The following PTPRD variants were observed in gnomAD, a reference collection of about 807,000 sequenced individuals.
The protein encoded by PTPRD is protein tyrosine phosphatase receptor type D.
In PTPRD, 34 loss-of-function variants were observed where a neutral mutation model predicts 214.5. The ratio of observed to expected loss-of-function variants is 0.16; its 90% CI spans 0.12 to 0.21. The LOEUF (loss-of-function observed/expected upper bound fraction) is 0.21, where lower values mean the gene tolerates loss of function less well. PTPRD is among the 10% of genes least tolerant of loss of function. PTPRD has a pLI of 1.00. For missense variants in PTPRD, 2,545 were observed against 2,398.7 expected (o/e 1.06, Z -1.27); for synonymous variants, 1,128 against 845.7 (o/e 1.33, Z -5.79).
intron 11 of PTPRD, among the ~76,000 whole-genome samples, chr9:8,890,366 T>C (rs2098528450): frequency 6.6e-6 from 1 of 152,208 alleles, no homozygotes. Flanking sequence ...CTCACATTTC[T>C]ATCTGGATGT....
intron 11 of PTPRD, among the ~76,000 whole-genome samples, chr9:8,926,840 A>G (rs1327089851): frequency 6.6e-6 from 1 of 152,208 alleles, no homozygotes; most frequent in Non-Finnish European, 1.5e-5. Context: ...CAACTTGTAA[A>G]GACTATTCAA....
intron 11 of PTPRD, among the ~76,000 whole-genome samples, chr9:8,866,153 C>G (rs1203943588): frequency 6.6e-6 from 1 of 152,140 alleles, no homozygotes; most frequent in African/African-American, 2.4e-5. Context: ...TCCAAAATTA[C>G]TAGTAACACT....
intron 10 of PTPRD, among the ~76,000 whole-genome samples, chr9:9,019,058 T>C: frequency 6.6e-6 from 1 of 152,098 alleles, no homozygotes. Context: ...AACCATCAAG[T>C]ATCATTCAAT....
At chr9:8,768,383 T>G (rs1470800028) in intron 11 of PTPRD, among the ~76,000 whole-genome samples, 1 of 152,120 alleles carries the variant, frequency 6.6e-6, no homozygotes, top group Non-Finnish European at 1.5e-5. Context: ...AAACCTTGTC[T>G]CTACAAAAAT....
chr9:9,416,663 C>T (rs146902492), intron 8 of PTPRD, among the ~76,000 whole-genome samples: 2 of 152,126 alleles, frequency 1.3e-5, no homozygotes, highest in South Asian at 4.1e-4. Flanking sequence ...TTAACATGCT[C>T]TGCTTTCTCC....
chr9:9,461,041 G>A (rs988548278), intron 8 of PTPRD, among the ~76,000 whole-genome samples: 14 of 151,944 alleles, frequency 9.2e-5, no homozygotes, highest in African/African-American at 1.7e-4. Context: ...ATGGAACTGC[G>A]GGCCATTATC....
intron 5 of PTPRD, among the ~76,000 whole-genome samples, chr9:9,910,269 T>A (rs1016723794): frequency 6.6e-6 from 1 of 152,020 alleles, no homozygotes; most frequent in Admixed American, 6.6e-5. Context: ...AATTTTTACA[T>A]AAAATAGACA....
At chr9:9,869,074 C>T (rs975499014) in intron 5 of PTPRD, among the ~76,000 whole-genome samples, 1 of 152,158 alleles carries the variant, frequency 6.6e-6, no homozygotes, top group African/African-American at 2.4e-5. Context: ...ACATCAACTA[C>T]TTACATAAAA....
intron 35 of PTPRD, among the ~76,000 whole-genome samples, chr9:8,426,778 A>C (rs1340225080): frequency 6.6e-6 from 1 of 150,858 alleles, no homozygotes; most frequent in Non-Finnish European, 1.5e-5. Context: ...GTTTAATGTT[A>C]GTAAAGAAAA....
At chr9:10,492,604 T>C (rs1772506354) in intron 2 of PTPRD, among the ~76,000 whole-genome samples, 1 of 152,204 alleles carries the variant, frequency 6.6e-6, no homozygotes, top group Admixed American at 6.5e-5. Flanking sequence ...TTGTAGATTC[T>C]GGATATTAGC....
chr9:9,495,214 A>T lies in PTPRD; in HGVS notation c.-237+79518T>A, dbSNP rs2096118518. On this transcript the variant is annotated intron_variant, in intron 8 of 45. Transcript: ENST00000381196. Reference sequence around the variant, plus strand: ...CTAAATCTATACAACTCAGAGAAGAAAACTGAAATTAGTAAGTCTGATGAT... The same window carrying T: ...CTAAATCTATACAACTCAGAGAAGATAACTGAAATTAGTAAGTCTGATGAT... Among the ~76,000 whole-genome samples the T allele has an allele frequency of 2.0e-5, 3 of 151,922 alleles. No individual in the cohort carries two copies. The South Asian group carries it at 6.2e-4, about 32-fold the overall frequency.
chr9:9,868,238 C>T (rs1415199326), intron 5 of PTPRD, among the ~76,000 whole-genome samples: 1 of 152,118 alleles, frequency 6.6e-6, no homozygotes. Context: ...ATCATCAAAA[C>T]AAACCTCTAA....
chr9:9,105,976 C>T (rs1015099163), intron 10 of PTPRD, among the ~76,000 whole-genome samples: 1 of 151,890 alleles, frequency 6.6e-6, no homozygotes, highest in African/African-American at 2.4e-5. Context: ...TCTCTGTAGA[C>T]CTGCAGGGTC....
chr9:9,883,147 C>G (rs147357860), intron 5 of PTPRD, among the ~76,000 whole-genome samples: 25 of 152,086 alleles, frequency 1.6e-4, no homozygotes, highest in African/African-American at 5.8e-4. Context: ...GCAAAATGAA[C>G]AAACCCCCCA....
In PTPRD at chr9:9,878,025, C is replaced by T. The variant is rs368369696; in HGVS notation, c.-368+60482G>A. On this transcript the variant is annotated intron_variant, in intron 5 of 45. Coordinates refer to ENST00000381196, the MANE Select transcript of PTPRD (RefSeq NM_002839.4). ...TGTTTGCCCTTCTCACTATATCCAT[C>T]GGTTGCCCCTCTAAAATTCAAGTAT... Among the ~76,000 whole-genome samples, 38 of 149,952 alleles carry T rather than the reference C, an allele frequency of 2.5e-4. No homozygotes were observed. The East Asian group carries it at 3.8e-3, about 15-fold the overall frequency.
intron 4 of PTPRD, among the ~76,000 whole-genome samples, chr9:10,019,112 C>A (rs564659841): frequency 6.6e-6 from 1 of 152,016 alleles, no homozygotes; most frequent in African/African-American, 2.4e-5. Flanking sequence ...AAAAAGTGGG[C>A]GAAAGATATG....
intron 7 of PTPRD, among the ~76,000 whole-genome samples, chr9:9,608,773 G>A (rs958681868): frequency 4.6e-5 from 7 of 152,188 alleles, no homozygotes; most frequent in African/African-American, 1.7e-4. Flanking sequence ...TTCTTGACCA[G>A]CTCTTTATTA....
intron 11 of PTPRD, among the ~76,000 whole-genome samples, chr9:8,830,813 T>G (rs899079960): frequency 6.6e-6 from 1 of 152,160 alleles, no homozygotes; most frequent in African/African-American, 2.4e-5. Flanking sequence ...GTGAAATCAT[T>G]GCTTAAAGAA....
intron 10 of PTPRD, among the ~76,000 whole-genome samples, chr9:9,113,464 A>T (rs1471691963): frequency 6.6e-6 from 1 of 152,146 alleles, no homozygotes; most frequent in Non-Finnish European, 1.5e-5. Context: ...GAGTTAGGCC[A>T]GAAAACTAGG....
Sources: gnomAD v4.1 joint callset for allele counts (sites outside exome capture counted in the v4.1 genomes callset) on GRCh38, gnomAD v4.1.1 for gene constraint, MANE v1.5 for transcripts, NCBI Gene and HGNC (gene_info 2026-07-23, HGNC 2026-07-21) for gene names.